KDM4A: variants seen among roughly 807,000 people sequenced by gnomAD.
The protein encoded by KDM4A is lysine demethylase 4A.
KDM4A carries 23 observed loss-of-function variants against 127.1 expected under a neutral mutation model. The ratio of observed to expected loss-of-function variants is 0.18; its 90% CI spans 0.13 to 0.26. KDM4A has a LOEUF of 0.26. KDM4A is among the 10% of genes least tolerant of loss of function. The probability of loss-of-function intolerance (pLI) is 1.00; values close to 1 mark genes in which losing one functional copy is unlikely to be tolerated. For synonymous variants in KDM4A, 443 were observed against 466.5 expected, an observed-to-expected ratio of 0.95 and a Z score of 0.65; for missense variants, 890 against 1,329.1, an observed-to-expected ratio of 0.67 and a Z score of 5.14.
chr1:43,680,071 G>A (rs147342552), intron 11 of KDM4A, among the ~76,000 whole-genome samples: 59 of 152,332 alleles, frequency 3.9e-4, no homozygotes, highest in African/African-American at 1.3e-3. Flanking sequence ...AGAAACTGGA[G>A]CAATCCCAGG....
chr1:43,697,091 G>T (rs941724010), intron 18 of KDM4A, among the ~76,000 whole-genome samples: 1 of 152,262 alleles, frequency 6.6e-6, no homozygotes, highest in Non-Finnish European at 1.5e-5. Context: ...ATGGGAGTCA[G>T]TGTGCAAGTA....
intron 18 of KDM4A, 45 bp from the exon 19 acceptor site, chr1:43,697,798 T>C (rs772001014): frequency 4.4e-6 from 7 of 1,581,530 alleles, no homozygotes; most frequent in Non-Finnish European, 6.0e-6. Context: ...ATGCCAGGCC[T>C]GCAAACTCCA....
chr1:43,686,301 G>A (rs955768705), intron 12 of KDM4A, among the ~76,000 whole-genome samples: 1 of 145,572 alleles, frequency 6.9e-6, no homozygotes, highest in Non-Finnish European at 1.5e-5. Context: ...CTCCCAAAGT[G>A]CTGGGATTAC....
chr1:43,657,890 C>G (rs1395093872), intron 3 of KDM4A, among the ~76,000 whole-genome samples: 1 of 149,478 alleles, frequency 6.7e-6, no homozygotes, highest in Non-Finnish European at 1.5e-5. Flanking sequence ...AGCTGGGAGC[C>G]CGCCACCACG....
chr1:43,665,614 A>T, intron 5 of KDM4A, 82 bp from the exon 6 acceptor site: 1 of 1,278,328 alleles, frequency 7.8e-7, no homozygotes, highest in African/African-American at 1.5e-5. Context: ...TGCTATTTCA[A>T]GGTGTTTTGA....
At chr1:43,684,892 T>C (rs1157519091) in intron 12 of KDM4A, among the ~76,000 whole-genome samples, 1 of 152,128 alleles carries the variant, frequency 6.6e-6, no homozygotes, top group African/African-American at 2.4e-5. Flanking sequence ...TGGTAGGGAA[T>C]ATATTTGGAA....
chr1:43,704,598 G>A lies in KDM4A; in HGVS notation c.*228G>A, dbSNP rs1661500959. On this transcript the variant is annotated 3_prime_UTR_variant, in exon 22 of 22. Transcript: ENST00000372396. ...GCAGTCGCTGATCTCCCAGCTGAGG[G>A]GCTGAGCACTGGAATGCTGTGGCTG... is the stretch of plus-strand genomic sequence containing the variant. The A allele has an allele frequency of 5.6e-6, 3 of 531,206 alleles. No homozygotes were observed. The highest frequency in any genetic ancestry group is 5.0e-4 in the Middle Eastern group (1 of 2,000). The allele number at this position is 531,206 out of a possible 1,614,324, so 32.9% of individuals were successfully genotyped here. A position where few individuals can be genotyped will look rare whatever the true frequency, so the allele number is the denominator to read the frequency against.
intron 11 of KDM4A, among the ~76,000 whole-genome samples, chr1:43,674,594 G>A (rs1660699875): frequency 6.6e-6 from 1 of 151,054 alleles, no homozygotes; most frequent in Non-Finnish European, 1.5e-5. Flanking sequence ...TTGGCTCACT[G>A]CAACCTCCAC....
At chr1:43,651,999 A>G (rs959967975) in intron 1 of KDM4A, among the ~76,000 whole-genome samples, 1 of 152,198 alleles carries the variant, frequency 6.6e-6, no homozygotes, top group Non-Finnish European at 1.5e-5. Context: ...AGGGTTTTAA[A>G]ATTATGTTAC....
chr1:43,658,953 A>G, intron 3 of KDM4A, among the ~76,000 whole-genome samples: 1 of 151,720 alleles, frequency 6.6e-6, no homozygotes, highest in Middle Eastern at 3.2e-3. Context: ...TTGAATCTAA[A>G]AGAAGTTTTT....
intron 1 of KDM4A, among the ~76,000 whole-genome samples, chr1:43,652,081 G>T (rs1660125887): frequency 1.3e-5 from 2 of 152,162 alleles, no homozygotes; most frequent in African/African-American, 4.8e-5. Flanking sequence ...TTGTTATCTT[G>T]TAGCCACGTA....
chr1:43,701,625 C>G (rs551402188), intron 19 of KDM4A, among the ~76,000 whole-genome samples: 24 of 152,264 alleles, frequency 1.6e-4, no homozygotes, highest in African/African-American at 4.8e-4. Flanking sequence ...GTAACTGGGA[C>G]TATAGGCGTG....
chr1:43,665,631 G>T, intron 5 of KDM4A, 65 bp from the exon 6 acceptor site: 1 of 1,489,360 alleles, frequency 6.7e-7, no homozygotes, highest in South Asian at 1.1e-5. Context: ...TTGAGAGTGG[G>T]AATAAGTCCC....
chr1:43,689,700 C>T (rs191596265), intron 13 of KDM4A, among the ~76,000 whole-genome samples: 108 of 152,210 alleles, frequency 7.1e-4, no homozygotes, highest in Admixed American at 6.3e-3. Flanking sequence ...GCATTCACAG[C>T]AGCAGGTGCC....
intron 18 of KDM4A, among the ~76,000 whole-genome samples, chr1:43,695,423 A>G (rs529612313): frequency 2.0e-5 from 3 of 152,260 alleles, no homozygotes; most frequent in Non-Finnish European, 4.4e-5. Flanking sequence ...AAGGAATTGT[A>G]TGCAGAGACT....
chr1:43,682,304 G>T (rs1417708922), intron 11 of KDM4A, among the ~76,000 whole-genome samples: 1 of 152,232 alleles, frequency 6.6e-6, no homozygotes, highest in Non-Finnish European at 1.5e-5. Context: ...AGCCATTCTG[G>T]TTGGAAAGAA....
intron 9 of KDM4A, among the ~76,000 whole-genome samples, chr1:43,668,678 G>A (rs933242202): frequency 1.3e-5 from 2 of 152,166 alleles, no homozygotes; most frequent in East Asian, 3.9e-4. Flanking sequence ...AGTGTAGTGA[G>A]GATGAGACTC....
chr1:43,652,382 A>G (rs987600549), intron 1 of KDM4A, among the ~76,000 whole-genome samples: 5 of 152,262 alleles, frequency 3.3e-5, no homozygotes, highest in Non-Finnish European at 5.9e-5. Flanking sequence ...TTCAAGAACA[A>G]TCCTATTGCA....
chr1:43,691,342 T>C (rs767978466), intron 14 of KDM4A, among the ~76,000 whole-genome samples, 154 bp from the exon 15 acceptor site: 5 of 152,220 alleles, frequency 3.3e-5, no homozygotes, highest in Non-Finnish European at 7.3e-5. Context: ...CCATACTGTA[T>C]GCCTGAGCCC....
Sources: allele counts gnomAD v4.1 joint callset (sites outside exome capture counted in the v4.1 genomes callset), GRCh38; gene constraint gnomAD v4.1.1; transcripts MANE v1.5; gene names NCBI Gene and HGNC (gene_info 2026-07-23, HGNC 2026-07-21).